Variants in NSDHL observed in about 807,000 individuals in gnomAD.
NSDHL encodes the protein sterol-4-alpha-carboxylate 3-dehydrogenase, decarboxylating.
NSDHL carries 1 observed loss-of-function variant against 23.0 expected under a neutral mutation model. The observed-to-expected ratio is 0.04, with a 90% CI of 0.02 to 0.21. The LOEUF is 0.21. Among genes scored for constraint, NSDHL ranks in the 10% least tolerant of loss-of-function variants. The probability of loss-of-function intolerance (pLI) is 1.00; values close to 1 mark genes in which losing one functional copy is unlikely to be tolerated. For missense variants in NSDHL, 237 were observed against 300.9 expected, an observed-to-expected ratio of 0.79 and a Z score of 1.57; for synonymous variants, 128 against 121.1, an observed-to-expected ratio of 1.06 and a Z score of -0.37.
At chrX:152,864,204 C>T (rs1030975908) in intron 5 of NSDHL, among the ~76,000 whole-genome samples, 10 of 112,612 alleles carry the variant, frequency 8.9e-5, no homozygotes, top group Non-Finnish European at 1.7e-4. Flanking sequence ...CCACCATGCC[C>T]AGCCTGTCTG....
intron 2 of NSDHL, among the ~76,000 whole-genome samples, chrX:152,849,409 C>T (rs187781753): frequency 8.9e-6 from 1 of 111,842 alleles, no homozygotes; most frequent in East Asian, 2.8e-4. Flanking sequence ...ACACCCATAG[C>T]CAGCTTGTCT....
chrX:152,836,371 C>G (rs113172170), intron 1 of NSDHL, among the ~76,000 whole-genome samples: 1 of 111,829 alleles, frequency 8.9e-6, no homozygotes, highest in Admixed American at 9.5e-5. Flanking sequence ...TCATGAAGTC[C>G]TTGCCCATGC....
At chrX:152,837,030 G>A (rs1933108623) in intron 1 of NSDHL, among the ~76,000 whole-genome samples, 1 of 111,742 alleles carries the variant, frequency 8.9e-6, no homozygotes, top group African/African-American at 3.3e-5. Flanking sequence ...TCCCTTGTAA[G>A]TTGGATTCCT....
Position 152,869,122 on chromosome X carries a change from A to G in NSDHL, c.*6A>G, listed in dbSNP as rs1213740380. 1 of 1,190,673 alleles carries G rather than the reference A, an allele frequency of 8.4e-7. No homozygotes were observed. The highest frequency in any genetic ancestry group is 1.8e-5 in the African/African-American group (1 of 57,010). ...ACCTGCGGAGGGTCAAGTGAGGGAC[A>G]CTGGAGGCTGGGCTCTCTCGACACG... On this transcript the variant is annotated 3_prime_UTR_variant, in exon 8 of 8. Coordinates refer to ENST00000370274, the MANE Select transcript of NSDHL (RefSeq NM_015922.3).
At chrX:152,837,636 A>T (rs139309748) in intron 1 of NSDHL, among the ~76,000 whole-genome samples, 31 of 112,132 alleles carry the variant, frequency 2.8e-4, no homozygotes, top group African/African-American at 1.0e-3. Flanking sequence ...TTGCATCCCT[A>T]GGATGAAGCC....
At chrX:152,831,139 T>C (rs1430065354) in intron 1 of NSDHL, 22 bp downstream of exon 1, 2 of 297,176 alleles carry the variant, frequency 6.7e-6, no homozygotes, top group Non-Finnish European at 1.2e-5. Context: ...GGCCTTGCCA[T>C]TGGAGGTCAC....
chrX:152,837,053 A>C (rs921237291), intron 1 of NSDHL, among the ~76,000 whole-genome samples: 17 of 111,588 alleles, frequency 1.5e-4, no homozygotes, highest in East Asian at 1.4e-3. Context: ...GTATTTTATT[A>C]TCTTTGAAGC....
chrX:152,840,706 A>G (rs1236243757), intron 1 of NSDHL, among the ~76,000 whole-genome samples: 1 of 112,030 alleles, frequency 8.9e-6, no homozygotes, highest in Non-Finnish European at 1.9e-5. Context: ...ACCCGCCTGT[A>G]TAAGGTGTCT....
chrX:152,835,289 A>G (rs1045134935), intron 1 of NSDHL, among the ~76,000 whole-genome samples: 1 of 105,576 alleles, frequency 9.5e-6, no homozygotes, highest in East Asian at 3.0e-4. Flanking sequence ...ACAAGGTCAC[A>G]TCTCTCTTTT....
At chrX:152,848,430 C>T (rs1190371257) in intron 2 of NSDHL, among the ~76,000 whole-genome samples, 1 of 112,246 alleles carries the variant, frequency 8.9e-6, no homozygotes, top group Non-Finnish European at 1.9e-5. Context: ...CAAGGGTCTC[C>T]AGGGAACAGC....
chrX:152,836,660 A>G (rs1480835953), intron 1 of NSDHL, among the ~76,000 whole-genome samples: 2 of 111,832 alleles, frequency 1.8e-5, no homozygotes, highest in African/African-American at 6.5e-5. Context: ...CCATTGGTCT[A>G]TATCTCTGTT....
chrX:152,859,007 C>A, intron 4 of NSDHL, 91 bp downstream of exon 4: 1 of 783,270 alleles, frequency 1.3e-6, no homozygotes, highest in Non-Finnish European at 1.9e-6. Flanking sequence ...CTCCCTGGGC[C>A]TAGGCGGGGT....
chrX:152,846,931 G>A (rs782495467), intron 2 of NSDHL, among the ~76,000 whole-genome samples: 3 of 112,448 alleles, frequency 2.7e-5, no homozygotes, highest in Non-Finnish European at 5.6e-5. Context: ...GAGCCTGGTC[G>A]TTGTCAGGCT....
intron 1 of NSDHL, among the ~76,000 whole-genome samples, chrX:152,841,417 T>C (rs1364565832): frequency 2.7e-5 from 3 of 111,972 alleles, no homozygotes; most frequent in African/African-American, 9.7e-5. Context: ...AGACCGGAGC[T>C]GTTCCTATTC....
At chrX:152,868,130 G>A (rs1933638472) in intron 7 of NSDHL, among the ~76,000 whole-genome samples, 1 of 108,832 alleles carries the variant, frequency 9.2e-6, no homozygotes. Context: ...GGGTGGGTGT[G>A]GCATTTTTTT....
chrX:152,856,184 G>A (rs1331807611), intron 3 of NSDHL, among the ~76,000 whole-genome samples: 4 of 111,549 alleles, frequency 3.6e-5, no homozygotes, highest in Non-Finnish European at 7.5e-5. Context: ...CTGGGATGGC[G>A]CTGTCCATTA....
intron 7 of NSDHL, among the ~76,000 whole-genome samples, chrX:152,868,371 G>A (rs958511484): frequency 2.7e-5 from 3 of 111,282 alleles, no homozygotes; most frequent in African/African-American, 9.8e-5. Context: ...GACCTCAGGT[G>A]ATCTGCCCGC....
At chrX:152,845,077 A>G (rs1319957039) in intron 1 of NSDHL, among the ~76,000 whole-genome samples, 1 of 111,996 alleles carries the variant, frequency 8.9e-6, no homozygotes, top group Non-Finnish European at 1.9e-5. Context: ...TTTGACATAC[A>G]GTTTCTTAAT....
intron 1 of NSDHL, among the ~76,000 whole-genome samples, chrX:152,834,416 G>A (rs916621017): frequency 1.2e-4 from 13 of 112,870 alleles, no homozygotes; most frequent in African/African-American, 3.9e-4. Flanking sequence ...CATGGACACC[G>A]CAGGTCCGTG....
Sources: allele counts gnomAD v4.1 joint callset (sites outside exome capture counted in the v4.1 genomes callset), GRCh38; gene constraint gnomAD v4.1.1; transcripts MANE v1.5; gene names NCBI Gene and HGNC (gene_info 2026-07-23, HGNC 2026-07-21).